The following PCCB variants were observed in gnomAD, a reference collection of about 807,000 sequenced individuals.
PCCB encodes the protein propionyl-CoA carboxylase beta chain, mitochondrial.
In PCCB, 43 loss-of-function variants were observed where a neutral mutation model predicts 60.7. That is an observed-to-expected ratio of 0.71 (90% confidence interval 0.55 to 0.91). The LOEUF (loss-of-function observed/expected upper bound fraction) is 0.91. Among genes scored for constraint, PCCB ranks in the 40% least tolerant of loss-of-function variants. The pLI, the probability that PCCB is intolerant of heterozygous loss-of-function variation, is 0.00. For synonymous variants in PCCB, 276 were observed against 255.9 expected, an observed-to-expected ratio of 1.08 and a Z score of -0.75; for missense variants, 766 against 702.8, an observed-to-expected ratio of 1.09 and a Z score of -1.02.
chr3:136,268,379 C>G (rs1416941808), intron 5 of PCCB, among the ~76,000 whole-genome samples: 4 of 150,406 alleles, frequency 2.7e-5, no homozygotes, highest in Admixed American at 1.3e-4. Flanking sequence ...TTCCATTGTT[C>G]TATGTCTGTC....
At chr3:136,296,307 C>A (rs926092338) in intron 7 of PCCB, among the ~76,000 whole-genome samples, 5 of 152,162 alleles carry the variant, frequency 3.3e-5, no homozygotes, top group Non-Finnish European at 2.9e-5. Context: ...AGGCTACTTT[C>A]TGTCTCTGTG....
At chr3:136,314,246 G>T (rs1006533765) in intron 9 of PCCB, among the ~76,000 whole-genome samples, 1 of 152,202 alleles carries the variant, frequency 6.6e-6, no homozygotes, top group African/African-American at 2.4e-5. Flanking sequence ...AACATAAAAT[G>T]ATGGTGAAAG....
chr3:136,255,662 G>T, intron 1 of PCCB, 194 bp from the exon 2 acceptor site: 1 of 623,964 alleles, frequency 1.6e-6, no homozygotes, highest in Non-Finnish European at 2.9e-6. Context: ...GGCGCACACT[G>T]TCTGTCCTGA....
chr3:136,328,052 G>T (rs1935396447), intron 13 of PCCB, among the ~76,000 whole-genome samples: 1 of 152,206 alleles, frequency 6.6e-6, no homozygotes, highest in African/African-American at 2.4e-5. Context: ...GTCAACTGAA[G>T]TCACCTTCAG....
chr3:136,300,127 T>C (rs549264339), intron 8 of PCCB, among the ~76,000 whole-genome samples: 2 of 151,628 alleles, frequency 1.3e-5, no homozygotes, highest in East Asian at 3.9e-4. Context: ...CACGTGTATA[T>C]ATGTATATCT....
chr3:136,256,589 G>A lies in PCCB; in HGVS notation c.338G>A (p.Arg113Gln), dbSNP rs138246328. The A allele has an allele frequency of 2.7e-4, 443 of 1,612,910 alleles. 1 individual carries two copies. In the African/African-American group the frequency reaches 3.8e-3, roughly 14 times the overall value. ...PGDSVVTGRG[R>Q]INGRLVYVFS... The stretch of plus-strand genomic sequence containing the variant: ...GACAGCGTGGTCACTGGACGAGGCC[G>A]AATCAATGGAAGATTGGTTTATGTC... Residue 113 changes from arginine (R) to glutamine (Q), a missense_variant, in exon 3 of 15, where the codon CGA becomes CAA. Physicochemically the swap from Arg to Gln is conservative, Grantham distance 43 (BLOSUM62 1). Coordinates refer to ENST00000251654, the MANE Select transcript of PCCB (RefSeq NM_000532.5).
intron 1 of PCCB, among the ~76,000 whole-genome samples, chr3:136,253,014 G>C (rs890396777): frequency 1.3e-5 from 2 of 150,214 alleles, no homozygotes; most frequent in Non-Finnish European, 3.0e-5. Flanking sequence ...TTTTCGGGGA[G>C]GGGGGGATAG....
At chr3:136,300,010 ATG>A (rs1934188577) in intron 8 of PCCB, among the ~76,000 whole-genome samples, 1 of 148,866 alleles carries the variant, frequency 6.7e-6, no homozygotes, top group African/African-American at 2.6e-5. Flanking sequence ...ACCCACACAT[ATG>A]CATGTGTACA....
rs569310556 is a variant in PCCB, at chr3:136,254,012, A to G, written c.184-1844A>G. On this transcript the variant is annotated intron_variant, in intron 1 of 14. Coordinates refer to ENST00000251654, the MANE Select transcript of PCCB (RefSeq NM_000532.5). ...AGTTGGTTTCCTAAAAACTTATTCT[A>G]CTTTACGTGACAGTGTATAGGATTG... Among the ~76,000 whole-genome samples, 24 of 152,016 alleles carry G rather than the reference A, an allele frequency of 1.6e-4. No individual in the cohort carries two copies. The East Asian group carries it at 4.3e-3, about 27-fold the overall frequency.
At position 136,261,998 on chromosome 3, in the gene PCCB, A is replaced by G. The variant is rs1181672332; in HGVS notation, c.476A>G (p.Asn159Ser). Residue 159 changes from asparagine to serine, a missense_variant, in exon 5 of 15, where the codon AAT (asparagine) becomes AGT (serine). Asn to Ser is a conservative substitution (Grantham distance 46). Transcript: ENST00000251654. ...ITVGAPVIGL[N>S]DSGGARIQEG... ...GTGGGGGCTCCAGTGATTGGGCTGAATGACTCTGGGGGAGCACGGATCCAA... is the reference window on the plus strand; with the variant it reads ...GTGGGGGCTCCAGTGATTGGGCTGAGTGACTCTGGGGGAGCACGGATCCAA... 9 of 1,562,578 alleles carry G rather than the reference A, an allele frequency of 5.8e-6. No individual in the cohort carries two copies. The highest frequency in any genetic ancestry group is 6.9e-6 in the Non-Finnish European group (8 of 1,152,196).
At chr3:136,255,822 A>T (rs1046893170) in intron 1 of PCCB, 34 bp from the exon 2 acceptor site, 1 of 1,596,280 alleles carries the variant, frequency 6.3e-7, no homozygotes, top group Non-Finnish European at 8.6e-7. Context: ...ATTGTCTGTG[A>T]TGACATCACT....
intron 14 of PCCB, 59 bp from the exon 15 acceptor site, chr3:136,329,846 T>G: frequency 3.1e-6 from 5 of 1,599,978 alleles, no homozygotes; most frequent in Non-Finnish European, 3.4e-6. Flanking sequence ...AGCAGAAGGT[T>G]GAGGGGTGGC....
At chr3:136,265,076 C>T (rs944604763) in intron 5 of PCCB, among the ~76,000 whole-genome samples, 1 of 152,026 alleles carries the variant, frequency 6.6e-6, no homozygotes, top group Non-Finnish European at 1.5e-5. Context: ...CGCCTGTAAT[C>T]CCAGCTACTC....
chr3:136,271,769 A>G (rs1942209071), intron 5 of PCCB, among the ~76,000 whole-genome samples: 1 of 152,158 alleles, frequency 6.6e-6, no homozygotes, highest in South Asian at 2.1e-4. Context: ...ATGAGTCGCT[A>G]GAGTTTTCCA....
chr3:136,328,293 G>GGT (rs1254648595), intron 13 of PCCB, among the ~76,000 whole-genome samples: 3 of 152,148 alleles, frequency 2.0e-5, no homozygotes, highest in Admixed American at 6.5e-5. Context: ...CTGACTTGAA[G>GGT]GCCAATCCTT....
intron 5 of PCCB, among the ~76,000 whole-genome samples, chr3:136,278,344 A>C (rs1218613597): frequency 6.6e-6 from 1 of 152,072 alleles, no homozygotes; most frequent in Non-Finnish European, 1.5e-5. Flanking sequence ...ACTTCTTTAA[A>C]AGGTCTGTGG....
intron 1 of PCCB, among the ~76,000 whole-genome samples, chr3:136,253,390 CT>C (rs555917001): frequency 2.7e-5 from 4 of 150,240 alleles, no homozygotes; most frequent in African/African-American, 4.9e-5. Context: ...CACATGGCCT[CT>C]TTTTTTTTCT....
chr3:136,289,900 T>C (rs1314789057), intron 6 of PCCB, among the ~76,000 whole-genome samples: 1 of 152,176 alleles, frequency 6.6e-6, no homozygotes, highest in Non-Finnish European at 1.5e-5. Context: ...ATGAGTACCT[T>C]ATAATAGCAA....
chr3:136,300,462 T>A (rs1934222740), intron 8 of PCCB, among the ~76,000 whole-genome samples: 1 of 152,212 alleles, frequency 6.6e-6, no homozygotes. Flanking sequence ...GTTTTTCTGC[T>A]GAGACACTTG....
Sources: allele counts gnomAD v4.1 joint callset (sites outside exome capture counted in the v4.1 genomes callset), GRCh38; gene constraint gnomAD v4.1.1; transcripts MANE v1.5; gene names NCBI Gene and HGNC (gene_info 2026-07-23, HGNC 2026-07-21).